The following SGK3 variants were observed in gnomAD, a reference collection of about 807,000 sequenced individuals.
SGK3 encodes serum/glucocorticoid regulated kinase family member 3.
Under a neutral mutation model 68.5 loss-of-function variants are expected in SGK3, and 47 were observed. That is an observed-to-expected ratio of 0.69 (90% CI 0.54 to 0.87). SGK3 has a LOEUF of 0.87. Ranked by LOEUF, SGK3 falls within the 40% of genes least tolerant of loss-of-function variation. The probability of loss-of-function intolerance (pLI) is 0.00; values close to 1 mark genes in which losing one functional copy is unlikely to be tolerated. For synonymous variants in SGK3, 181 were observed against 189.1 expected (o/e 0.96, Z 0.35); for missense variants, 479 against 575.5 (o/e 0.83, Z 1.72).
chr8:66,724,413 T>C (rs111364783), intron 1 of SGK3, among the ~76,000 whole-genome samples: 17,675 of 152,146 alleles, frequency 0.12, 1,811 homozygotes, highest in African/African-American at 0.27. Context: ...TCGTCTCTAC[T>C]AAAAATACAA....
chr8:66,851,986 GA>G (rs1810309532), intron 16 of SGK3, among the ~76,000 whole-genome samples: 1 of 152,128 alleles, frequency 6.6e-6, no homozygotes, highest in African/African-American at 2.4e-5. Flanking sequence ...CTGGATAGTA[GA>G]GCCAGGATTC....
At chr8:66,757,867 A>T (rs574639754) in intron 1 of SGK3, among the ~76,000 whole-genome samples, 1 of 150,304 alleles carries the variant, frequency 6.7e-6, no homozygotes, top group African/African-American at 2.4e-5. Flanking sequence ...GTGAGCTGAG[A>T]TCACGCCACT....
At chr8:66,858,855 C>A (rs1030978760) in intron 16 of SGK3, among the ~76,000 whole-genome samples, 1 of 152,162 alleles carries the variant, frequency 6.6e-6, no homozygotes, top group Non-Finnish European at 1.5e-5. Context: ...GACCATTCTT[C>A]TTCTTCCAAT....
chr8:66,777,423 A>G (rs890858970), intron 1 of SGK3, among the ~76,000 whole-genome samples: 5 of 152,186 alleles, frequency 3.3e-5, no homozygotes, highest in African/African-American at 1.2e-4. Context: ...GACATTTCCA[A>G]CAAGACTAGT....
chr8:66,803,547 A>G (rs1046694255), intron 3 of SGK3, among the ~76,000 whole-genome samples: 1 of 151,482 alleles, frequency 6.6e-6, no homozygotes, highest in Non-Finnish European at 1.5e-5. Context: ...TCAAACTTAT[A>G]ATGAAAATAT....
chr8:66,749,932 GGTGTGTGT>G (rs139702561), intron 1 of SGK3, among the ~76,000 whole-genome samples: 6 of 144,826 alleles, frequency 4.1e-5, no homozygotes, highest in East Asian at 2.0e-4. Context: ...TAGTTTCTAG[GGTGTGTGT>G]GTGTGTGTGT....
At chr8:66,724,892 G>A (rs1804932588) in intron 1 of SGK3, among the ~76,000 whole-genome samples, 1 of 152,164 alleles carries the variant, frequency 6.6e-6, no homozygotes, top group African/African-American at 2.4e-5. Flanking sequence ...AGAGGTTCGA[G>A]TCCAGCCTGG....
At chr8:66,715,134 C>G (rs1347675055) in intron 1 of SGK3, among the ~76,000 whole-genome samples, 1 of 152,176 alleles carries the variant, frequency 6.6e-6, no homozygotes, top group African/African-American at 2.4e-5. Flanking sequence ...TTTGCCACCT[C>G]TGGTTTTTGA....
chr8:66,727,861 C>T (rs551295382), intron 1 of SGK3, among the ~76,000 whole-genome samples: 16 of 152,082 alleles, frequency 1.1e-4, no homozygotes, highest in Non-Finnish European at 1.6e-4. Flanking sequence ...GTGAGAAAGA[C>T]GCTGAGAAAA....
intron 1 of SGK3, among the ~76,000 whole-genome samples, chr8:66,782,667 A>G (rs1243143418): frequency 6.6e-6 from 1 of 152,134 alleles, no homozygotes; most frequent in African/African-American, 2.4e-5. Flanking sequence ...GCAGCTGCTG[A>G]TCTTTTTACT....
intron 1 of SGK3, among the ~76,000 whole-genome samples, chr8:66,738,146 G>C (rs1458119088): frequency 6.6e-6 from 1 of 151,844 alleles, no homozygotes; most frequent in Non-Finnish European, 1.5e-5. Flanking sequence ...AAACCTGAGA[G>C]GCATTCTAGA....
At chr8:66,729,709 T>C (rs1018157107) in intron 1 of SGK3, among the ~76,000 whole-genome samples, 7 of 151,986 alleles carry the variant, frequency 4.6e-5, no homozygotes, top group Non-Finnish European at 1.0e-4. Flanking sequence ...GACTGTTTTC[T>C]AGAATGCCTA....
At chr8:66,776,640 A>C (rs1806724694) in intron 1 of SGK3, among the ~76,000 whole-genome samples, 1 of 152,226 alleles carries the variant, frequency 6.6e-6, no homozygotes, top group African/African-American at 2.4e-5. Flanking sequence ...TATAAAATCA[A>C]ATGATGATGT....
intron 1 of SGK3, among the ~76,000 whole-genome samples, chr8:66,744,340 A>G (rs894390798): frequency 6.6e-6 from 1 of 150,784 alleles, no homozygotes; most frequent in African/African-American, 2.4e-5. Flanking sequence ...GAAGCTTCTA[A>G]TATCTTCTTT....
chr8:66,721,373 T>C (rs1323769548), intron 1 of SGK3, among the ~76,000 whole-genome samples: 1 of 152,226 alleles, frequency 6.6e-6, no homozygotes, highest in Non-Finnish European at 1.5e-5. Flanking sequence ...TTTCTCTTCT[T>C]CCACCTCTTG....
At chr8:66,745,709 A>G (rs572975539) in intron 1 of SGK3, among the ~76,000 whole-genome samples, 1 of 152,372 alleles carries the variant, frequency 6.6e-6, no homozygotes, top group Admixed American at 6.5e-5. Context: ...TATAAGGAAC[A>G]GAAATTTATT....
intron 1 of SGK3, among the ~76,000 whole-genome samples, chr8:66,745,531 G>A (rs1052127505): frequency 3.9e-5 from 6 of 151,922 alleles, no homozygotes; most frequent in East Asian, 1.9e-4. Flanking sequence ...CCGAGACCAC[G>A]CCACTGCACT....
chr8:66,841,013 G>T lies in SGK3; in HGVS notation c.892-11G>T. ...TGCATTGTTTTATCTTACTGCCCCT[G>T]TATTTGTCAGGGACATGTTGTCTTA... On this transcript the variant is annotated splice_polypyrimidine_tract_variant and intron_variant, in intron 12 of 16. Transcript: ENST00000521198. 6.4e-7 allele frequency: 1 copy of T among 1,566,124 alleles called. No homozygotes were observed. Among genetic ancestry groups the T allele is most frequent in the Non-Finnish European group, 8.6e-7 (1 of 1,160,856 alleles).
intron 8 of SGK3, 127 bp from the exon 9 acceptor site, chr8:66,835,636 C>A: frequency 2.0e-6 from 2 of 976,602 alleles, no homozygotes; most frequent in Non-Finnish European, 1.4e-6. Context: ...AAAACAAAAA[C>A]ATGATCTAGG....
Sources: allele counts gnomAD v4.1 joint callset (sites outside exome capture counted in the v4.1 genomes callset), GRCh38; gene constraint gnomAD v4.1.1; transcripts MANE v1.5; gene names NCBI Gene and HGNC (gene_info 2026-07-23, HGNC 2026-07-21).